The following KLHL12 variants were observed in gnomAD, a reference collection of about 807,000 sequenced individuals.
KLHL12 encodes kelch like family member 12, also known as kelch-like protein 12.
Under a neutral mutation model 60.8 loss-of-function variants are expected in KLHL12, and 17 were observed. That is an observed-to-expected ratio of 0.28 (90% CI 0.19 to 0.42). The LOEUF (loss-of-function observed/expected upper bound fraction) is 0.42, where lower values mean the gene tolerates loss of function less well. Ranked by LOEUF, KLHL12 falls within the 10% of genes least tolerant of loss-of-function variation. The pLI is 1.00. For synonymous variants in KLHL12, 220 were observed against 250.9 expected, an observed-to-expected ratio of 0.88 and a Z score of 1.16; for missense variants, 468 against 722.3, an observed-to-expected ratio of 0.65 and a Z score of 4.04.
intron 2 of KLHL12, among the ~76,000 whole-genome samples, chr1:202,920,749 A>G (rs1419701755): frequency 1.3e-5 from 2 of 152,192 alleles, no homozygotes; most frequent in Non-Finnish European, 2.9e-5. Flanking sequence ...GTAGTTATCT[A>G]TACGCCAGGA....
chr1:202,895,445 C>T lies in KLHL12; in HGVS notation c.1135+77G>A. 2 of 1,228,722 alleles carry T rather than the reference C, an allele frequency of 1.6e-6. No homozygotes were observed. The highest frequency in any genetic ancestry group is 1.4e-5 in the South Asian group (1 of 70,810). The allele number at this position is 1,228,722 out of a possible 1,614,324, so 76.1% of individuals were successfully genotyped here. A position where few individuals can be genotyped will look rare whatever the true frequency, so the allele number is the denominator to read the frequency against. On this transcript the variant is annotated intron_variant, in intron 8 of 11. Coordinates refer to ENST00000367261, the MANE Select transcript of KLHL12 (RefSeq NM_021633.4). The surrounding 1 kb of genome is among the most constrained non-coding windows in gnomAD (Gnocchi z 4.2). Reference sequence around the variant, plus strand: ...TTTTTCTCCGTATTTCATGCTCCTGCCAGACAACAGGAGAGGTTAAAAACC... The same window carrying T: ...TTTTTCTCCGTATTTCATGCTCCTGTCAGACAACAGGAGAGGTTAAAAACC...
chr1:202,907,999 A>C (rs1017534737), intron 6 of KLHL12, among the ~76,000 whole-genome samples: 2 of 152,214 alleles, frequency 1.3e-5, no homozygotes, highest in Non-Finnish European at 2.9e-5. Context: ...CTTAGCACGC[A>C]TCATGAGTCC....
chr1:202,910,995 A>C (rs1461916255), intron 5 of KLHL12, 59 bp downstream of exon 5: 1 of 1,582,262 alleles, frequency 6.3e-7, no homozygotes, highest in Non-Finnish European at 8.7e-7. Context: ...TTTTGAATAC[A>C]TAACACTAAG....
intron 2 of KLHL12, among the ~76,000 whole-genome samples, chr1:202,922,021 A>C (rs2102457698): frequency 6.6e-6 from 1 of 152,230 alleles, no homozygotes; most frequent in East Asian, 1.9e-4. Flanking sequence ...CAACACATTA[A>C]ATGCATTTAA....
At chr1:202,894,771 C>A (rs1659781054) in intron 8 of KLHL12, 22 bp from the exon 9 acceptor site, 1 of 1,602,332 alleles carries the variant, frequency 6.2e-7, no homozygotes, top group Non-Finnish European at 8.6e-7. Context: ...AAACAAATTA[C>A]AGACTATTAG....
At position 202,893,052 on chromosome 1, in the gene KLHL12, T is replaced by G. The variant is rs1288618752; in HGVS notation, c.1580+187A>C. Among the ~76,000 whole-genome samples, 1 of 151,502 alleles carries G rather than the reference T, an allele frequency of 6.6e-6. No homozygotes were observed. The highest frequency in any genetic ancestry group is 2.4e-5 in the African/African-American group (1 of 41,192). On this transcript the variant is annotated intron_variant, in intron 11 of 11. Coordinates refer to ENST00000367261, the MANE Select transcript of KLHL12 (RefSeq NM_021633.4). The surrounding 1 kb of genome is among the most constrained non-coding windows in gnomAD (Gnocchi z 4.1). ...GTGGTCCCAGCTACTCTACTCAGAC[T>G]CCAGCCTGGGTGACAGAGCAATACT...
At chr1:202,894,516 T>G in intron 9 of KLHL12, 75 bp downstream of exon 9, 2 of 1,468,112 alleles carry the variant, frequency 1.4e-6, no homozygotes. Context: ...AACGTCATTT[T>G]GGTAAAAAGG....
chr1:202,893,109 A>AAAAAATCTAATAAG lies in KLHL12; in HGVS notation c.1580+129_1580+130insCTTATTAGATTTTT. ...CTAAAAAATAAAAAAAATCTAATAA[A>AAAAAATCTAATAAG]AAAAATCAAGTTGCCACTGGAGATG... On this transcript the variant is annotated intron_variant, in intron 11 of 11. Transcript: ENST00000367261. The surrounding 1 kb of genome is among the most constrained non-coding windows in gnomAD (Gnocchi z 4.1). 1.5e-6 allele frequency: 1 copy of AAAAAATCTAATAAG among 674,544 alleles called. No homozygotes were observed. Among genetic ancestry groups the AAAAAATCTAATAAG allele is most frequent in the East Asian group, 2.9e-5 (1 of 34,052 alleles). The allele number at this position is 674,544 out of a possible 1,614,324, so 41.8% of individuals were successfully genotyped here. A position where few individuals can be genotyped will look rare whatever the true frequency, so the allele number is the denominator to read the frequency against.
rs1660300319 is a variant in KLHL12, at chr1:202,909,740, A to C, written c.718-616T>G. 6.6e-6 allele frequency among the ~76,000 whole-genome samples: 1 copy of C among 152,100 alleles called. No homozygotes were observed. The highest frequency in any genetic ancestry group is 2.1e-4 in the South Asian group (1 of 4,810). ...TCTAGCTTCTGGTTGGGATCAGCCC[A>C]ACCAAAGGTCAAGGTTTCTCTCAAG... On this transcript the variant is annotated intron_variant, in intron 5 of 11. Transcript: ENST00000367261. This position sits in a 1 kb window ranked among gnomAD's most constrained non-coding sequence, Gnocchi z 4.1.
intron 6 of KLHL12, among the ~76,000 whole-genome samples, chr1:202,907,949 C>T (rs951373628): frequency 1.3e-5 from 2 of 152,004 alleles, no homozygotes; most frequent in Admixed American, 6.6e-5. Flanking sequence ...CACCATTCTA[C>T]CTAAACCCAT....
At position 202,925,107 on chromosome 1, in the gene KLHL12, A is replaced by G; in HGVS notation, c.56T>C (p.Ile19Thr). Reference protein sequence around the residue: ...DIMTNTHAKSILNSMNSLRKS... With the variant: ...DIMTNTHAKSTLNSMNSLRKS... Reference sequence around the variant, plus strand: ...CCTGAGGGAGTTCATTGAATTGAGGATGGATTTAGCATGAGTATTTGTCAT... The same window carrying G: ...CCTGAGGGAGTTCATTGAATTGAGGGTGGATTTAGCATGAGTATTTGTCAT... Residue 19 changes from isoleucine to threonine, a missense_variant, in exon 2 of 12, where the codon ATC (isoleucine) becomes ACC (threonine). Ile to Thr is a moderately conservative substitution (Grantham distance 89). This residue lies in a region of KLHL12 where 61 missense variants were observed against 59.9 expected (regional missense o/e 1.02). Transcript: ENST00000367261. 1 of 1,614,110 alleles carries G rather than the reference A, an allele frequency of 6.2e-7. No individual in the cohort carries two copies. Among genetic ancestry groups the G allele is most frequent in the Non-Finnish European group, 8.5e-7 (1 of 1,180,018 alleles).
intron 4 of KLHL12, chr1:202,912,211 T>A: frequency 9.3e-7 from 1 of 1,074,534 alleles, no homozygotes; most frequent in Non-Finnish European, 1.4e-6. Context: ...AAAACGGAAG[T>A]GATTGAAATC....
rs1660288554 is a variant in KLHL12 at position 202,909,369 on chromosome 1, A to T, written c.718-245T>A. On this transcript the variant is annotated intron_variant, in intron 5 of 11. Coordinates refer to ENST00000367261, the MANE Select transcript of KLHL12 (RefSeq NM_021633.4). This position sits in a 1 kb window ranked among gnomAD's most constrained non-coding sequence, Gnocchi z 4.1. Reference sequence around the variant, plus strand: ...TCAAATGATATAAACAGATATGTTGAGCAGTATTTCCCATCTATCGCAGCG... The same window carrying T: ...TCAAATGATATAAACAGATATGTTGTGCAGTATTTCCCATCTATCGCAGCG... Among the ~76,000 whole-genome samples the T allele has an allele frequency of 6.6e-6, 1 of 151,624 alleles. No individual in the cohort carries two copies. The highest frequency in any genetic ancestry group is 2.4e-5 in the African/African-American group (1 of 41,166).
At chr1:202,912,496 C>A in intron 4 of KLHL12, 1 of 948,238 alleles carries the variant, frequency 1.1e-6, no homozygotes, top group South Asian at 1.3e-5. Context: ...GTGAGGATGG[C>A]GATAATGGAT....
At chr1:202,917,753 T>C (rs141723953) in intron 4 of KLHL12, among the ~76,000 whole-genome samples, 249 of 152,340 alleles carry the variant, frequency 1.6e-3, no homozygotes, top group African/African-American at 5.7e-3. Flanking sequence ...TCTCTGTCTC[T>C]ACTAGCAGGT....
upstream of KLHL12, among the ~76,000 whole-genome samples, chr1:202,927,448 C>T (rs1164688630): frequency 1.4e-5 from 2 of 142,256 alleles, no homozygotes; most frequent in Non-Finnish European, 3.0e-5. Context: ...TTTGGCAGGC[C>T]GAGGCGAGCG....
chr1:202,917,975 A>G (rs576150809), intron 4 of KLHL12, among the ~76,000 whole-genome samples, 196 bp downstream of exon 4: 195 of 152,358 alleles, frequency 1.3e-3, no homozygotes, highest in African/African-American at 3.4e-3. Context: ...CTGGGATCAT[A>G]TATCTAATTG....
chr1:202,902,263 C>A (rs185911520), intron 6 of KLHL12, among the ~76,000 whole-genome samples: 242 of 152,180 alleles, frequency 1.6e-3, no homozygotes, highest in African/African-American at 5.4e-3. Flanking sequence ...AACCCCATCT[C>A]TAGTGAAAAT....
chr1:202,905,968 C>CTTTTTTTTTTT (rs71142574), intron 6 of KLHL12, among the ~76,000 whole-genome samples: 245 of 51,678 alleles, frequency 4.7e-3, no homozygotes, highest in Admixed American at 5.4e-3. Context: ...CCACACCTGG[C>CTTTTTTTTTTT]TTTTTTTTTT....
Sources: allele counts gnomAD v4.1 joint callset (sites outside exome capture counted in the v4.1 genomes callset), GRCh38; gene constraint gnomAD v4.1.1; regional missense constraint gnomAD v4.1.1; non-coding constraint Gnocchi (gnomAD v3.1); transcripts MANE v1.5; gene names NCBI Gene and HGNC (gene_info 2026-07-23, HGNC 2026-07-21).